The following CYP2C19 variants were observed in gnomAD, a reference collection of about 807,000 sequenced individuals.
CYP2C19 encodes cytochrome P450 family 2 subfamily C member 19, also known as cytochrome P450 2C19.
In CYP2C19, 59 loss-of-function variants were observed where a neutral mutation model predicts 40.9. The observed-to-expected ratio is 1.44, with a 90% CI of 1.17 to 1.79. The LOEUF (loss-of-function observed/expected upper bound fraction) is 1.79, where lower values mean the gene tolerates loss of function less well. Ranked by LOEUF, CYP2C19 falls within the 40% of genes most tolerant of loss-of-function variation. The pLI is 0.00. For missense variants in CYP2C19, 754 were observed against 596.9 expected, an observed-to-expected ratio of 1.26 and a Z score of -2.74; for synonymous variants, 253 against 208.7, an observed-to-expected ratio of 1.21 and a Z score of -1.83.
At chr10:94,820,983 T>C (rs2134268911) in intron 6 of CYP2C19, among the ~76,000 whole-genome samples, 1 of 152,202 alleles carries the variant, frequency 6.6e-6, no homozygotes, top group African/African-American at 2.4e-5. Context: ...ACTTGGGGGC[T>C]GAGGCATGGG....
At position 94,775,888 on chromosome 10, in the gene CYP2C19, C is replaced by G. The variant is rs17879440; in HGVS notation, c.481+349C>G. On this transcript the variant is annotated intron_variant, in intron 3 of 8. Transcript: ENST00000371321. Reference sequence around the variant, plus strand: ...TCCCATTATCTATTCCAGAACATGTCACCAGAGAATACTTGACAAGTGGAC... The same window carrying G: ...TCCCATTATCTATTCCAGAACATGTGACCAGAGAATACTTGACAAGTGGAC... The G allele has an allele frequency of 1.7e-3, 565 of 325,392 alleles. 3 individuals carry two copies. The highest frequency in any genetic ancestry group is 0.011 in the African/African-American group (527 of 47,154). The allele number at this position is 325,392 out of a possible 1,614,324, so 20.2% of individuals were successfully genotyped here.
intron 1 of CYP2C19, among the ~76,000 whole-genome samples, chr10:94,768,731 A>C (rs546840208): frequency 3.8e-4 from 58 of 152,244 alleles, no homozygotes; most frequent in African/African-American, 1.3e-3. Flanking sequence ...CAATTTCCTT[A>C]CTTAGGTATA....
intron 6 of CYP2C19, among the ~76,000 whole-genome samples, chr10:94,824,330 A>C (rs1390276731): frequency 6.6e-6 from 1 of 152,186 alleles, no homozygotes; most frequent in Non-Finnish European, 1.5e-5. Flanking sequence ...TCATAATAAA[A>C]AATTATTAAA....
intron 6 of CYP2C19, among the ~76,000 whole-genome samples, chr10:94,827,672 G>C (rs933275621): frequency 6.6e-6 from 1 of 152,098 alleles, no homozygotes; most frequent in African/African-American, 2.4e-5. Flanking sequence ...CTTCAGTTCT[G>C]CTTTGATTTT....
chr10:94,766,723 C>T (rs1848250020), intron 1 of CYP2C19, among the ~76,000 whole-genome samples: 1 of 151,988 alleles, frequency 6.6e-6, no homozygotes, highest in African/African-American at 2.4e-5. Flanking sequence ...CAACAGTTCG[C>T]AGGTGTATTG....
At chr10:94,799,584 A>G (rs1399325295) in intron 5 of CYP2C19, among the ~76,000 whole-genome samples, 3 of 152,062 alleles carry the variant, frequency 2.0e-5, no homozygotes, top group Non-Finnish European at 4.4e-5. Context: ...CACTTCCTGA[A>G]GAGTGTTTTC....
In CYP2C19 at chr10:94,842,860, C is replaced by T. The variant is rs59734894; in HGVS notation, c.985C>T (p.Arg329Cys). 4.1e-4 allele frequency: 669 copies of T among 1,614,112 alleles called. 3 individuals carry two copies. Among genetic ancestry groups the T allele is most frequent in the South Asian group, 1.9e-3 (172 of 91,080 alleles). Residue 329 changes from arginine to cysteine, a missense_variant, in exon 7 of 9, where the codon CGT becomes TGT. Arg to Cys is a radical substitution (Grantham distance 180). Transcript: ENST00000371321. ...VTAKVQEEIE[R>C]VIGRNRSPCM... Reference sequence around the variant, plus strand: ...AGCTAAAGTCCAGGAAGAGATTGAACGTGTCATTGGCAGAAACCGGAGCCC... The same window carrying T: ...AGCTAAAGTCCAGGAAGAGATTGAATGTGTCATTGGCAGAAACCGGAGCCC...
rs1171850161 is a variant in CYP2C19, at chr10:94,854,890, G to A, written c.*1976G>A. Among the ~76,000 whole-genome samples, 1 of 152,186 alleles carries A rather than the reference G, an allele frequency of 6.6e-6. No individual in the cohort carries two copies. Among genetic ancestry groups the A allele is most frequent in the African/African-American group, 2.4e-5 (1 of 41,450 alleles). ...GGTATTACATTAATGGAAAGATACA[G>A]ATGGAAATTACACATTATACATTTT... On this transcript the variant is annotated 3_prime_UTR_variant, in exon 9 of 9. Transcript: ENST00000371321.
intron 6 of CYP2C19, among the ~76,000 whole-genome samples, chr10:94,839,346 C>A (rs112318880): frequency 2.0e-5 from 3 of 151,976 alleles, no homozygotes; most frequent in Non-Finnish European, 4.4e-5. Flanking sequence ...CTCTGCTAAT[C>A]GGATTACTTA....
chr10:94,775,805 G>T (rs771461990), intron 3 of CYP2C19: 15 of 543,534 alleles, frequency 2.8e-5, no homozygotes, highest in Non-Finnish European at 4.9e-5. Context: ...TTTCAAATAA[G>T]AAATGATGAA....
intron 3 of CYP2C19, 161 bp downstream of exon 3, chr10:94,775,700 A>G: frequency 8.2e-7 from 1 of 1,214,560 alleles, no homozygotes; most frequent in Non-Finnish European, 1.2e-6. Flanking sequence ...GAATTTGCAC[A>G]TGTTTGTGCT....
chr10:94,829,977 G>A (rs1240029424), intron 6 of CYP2C19, among the ~76,000 whole-genome samples: 1 of 152,176 alleles, frequency 6.6e-6, no homozygotes, highest in African/African-American at 2.4e-5. Context: ...AGGGGTCAGG[G>A]GTCAGGGACC....
In CYP2C19 at chr10:94,852,837, G is replaced by C; in HGVS notation, c.1396G>C (p.Asp466His). The stretch of plus-strand genomic sequence containing the variant: ...CCTGAAATCTCTGATTGACCCAAAG[G>C]ACCTTGACACAACTCCTGTTGTCAA... Reference protein sequence around the residue: ...FNLKSLIDPKDLDTTPVVNGF... With the variant: ...FNLKSLIDPKHLDTTPVVNGF... The change falls in exon 9 of 9, where the codon GAC becomes CAC. Residue 466 changes from aspartate (D) to histidine (H), a missense_variant. Asp to His is a moderately conservative substitution (Grantham distance 81). Coordinates refer to ENST00000371321, the MANE Select transcript of CYP2C19 (RefSeq NM_000769.4). 6.2e-7 allele frequency: 1 copy of C among 1,614,026 alleles called. No individual in the cohort carries two copies. Among genetic ancestry groups the C allele is most frequent in the East Asian group, 2.2e-5 (1 of 44,872 alleles).
intron 5 of CYP2C19, among the ~76,000 whole-genome samples, chr10:94,794,701 G>C (rs1371882867): frequency 6.6e-6 from 1 of 151,974 alleles, no homozygotes; most frequent in Non-Finnish European, 1.5e-5. Flanking sequence ...TTGGCTCTCT[G>C]TTTGTCTCTT....
chr10:94,775,054 C>G lies in CYP2C19; in HGVS notation c.169-4C>G. 1 of 1,613,918 alleles carries G rather than the reference C, an allele frequency of 6.2e-7. No individual in the cohort carries two copies. The highest frequency in any genetic ancestry group is 8.5e-7 in the Non-Finnish European group (1 of 1,179,888). On this transcript the variant is annotated splice_region_variant and splice_polypyrimidine_tract_variant and intron_variant, in intron 1 of 8. Coordinates refer to ENST00000371321, the MANE Select transcript of CYP2C19 (RefSeq NM_000769.4). Reference sequence around the variant, plus strand: ...TTTGCTGTTAACTGTATCTCCTTTTCTAGCTCTCAAAAATCTATGGCCCTG... The same window carrying G: ...TTTGCTGTTAACTGTATCTCCTTTTGTAGCTCTCAAAAATCTATGGCCCTG...
At chr10:94,784,270 A>T (rs1181881249) in intron 5 of CYP2C19, among the ~76,000 whole-genome samples, 1 of 152,094 alleles carries the variant, frequency 6.6e-6, no homozygotes, top group Non-Finnish European at 1.5e-5. Flanking sequence ...TTTTCTATGC[A>T]CATTTATCAC....
chr10:94,830,404 A>T (rs1431081835), intron 6 of CYP2C19, among the ~76,000 whole-genome samples: 1 of 152,130 alleles, frequency 6.6e-6, no homozygotes, highest in African/African-American at 2.4e-5. Context: ...TTCGGGTGGG[A>T]GTGACCCGAT....
chr10:94,803,653 T>C lies in CYP2C19; in HGVS notation c.820-16843T>C, dbSNP rs147784514. ...GTGGGCAGACTTGAAGCCCCCAGGG[T>C]TGTGCTAGCCATGGAGCTAAGAAAC... is the stretch of plus-strand genomic sequence containing the variant. On this transcript the variant is annotated intron_variant, in intron 5 of 8. Coordinates refer to ENST00000371321, the MANE Select transcript of CYP2C19 (RefSeq NM_000769.4). Among the ~76,000 whole-genome samples the C allele has an allele frequency of 2.8e-3, 433 of 152,206 alleles. 2 individuals are homozygous for C. The highest frequency in any genetic ancestry group is 9.9e-3 in the African/African-American group (413 of 41,536).
chr10:94,826,368 C>G (rs1849221882), intron 6 of CYP2C19, among the ~76,000 whole-genome samples: 1 of 152,164 alleles, frequency 6.6e-6, no homozygotes, highest in East Asian at 1.9e-4. Flanking sequence ...TGAAGAGGTC[C>G]TTCACATCCC....
Sources: allele counts gnomAD v4.1 joint callset (sites outside exome capture counted in the v4.1 genomes callset), GRCh38; gene constraint gnomAD v4.1.1; transcripts MANE v1.5; gene names NCBI Gene and HGNC (gene_info 2026-07-23, HGNC 2026-07-21).